Variants in KCNIP4 observed in about 807,000 individuals in gnomAD.
The protein encoded by KCNIP4 is Kv channel-interacting protein 4.
A neutral mutation model predicts 34.0 loss-of-function variants in KCNIP4; 12 were observed. That is an observed-to-expected ratio of 0.35 (90% confidence interval 0.23 to 0.57). The LOEUF (loss-of-function observed/expected upper bound fraction) is 0.57, where lower values mean the gene tolerates loss of function less well. Ranked by LOEUF, KCNIP4 falls within the 20% of genes least tolerant of loss-of-function variation. The pLI, the probability that KCNIP4 is intolerant of heterozygous loss-of-function variation, is 0.83. For missense variants in KCNIP4, 238 were observed against 311.7 expected (o/e 0.76, Z 1.78); for synonymous variants, 124 against 102.2 (o/e 1.21, Z -1.29).
At position 20,895,682 on chromosome 4, in the gene KCNIP4, C is replaced by T. The variant is rs752208150; in HGVS notation, c.62-12973G>A. Among the ~76,000 whole-genome samples the T allele has an allele frequency of 2.0e-5, 3 of 152,120 alleles. No individual in the cohort carries two copies. In the East Asian group the frequency reaches 5.8e-4, roughly 29 times the overall value. Reference sequence around the variant, plus strand: ...AGTATTTATTGGATATAAGGTAGACCCTGTGCCAGGCACCCGGGAAGAAAA... The same window carrying T: ...AGTATTTATTGGATATAAGGTAGACTCTGTGCCAGGCACCCGGGAAGAAAA... On this transcript the variant is annotated intron_variant, in intron 1 of 8. Transcript: ENST00000382152.
At chr4:21,657,781 T>G (rs1489874917) in intron 1 of KCNIP4, among the ~76,000 whole-genome samples, 1 of 152,202 alleles carries the variant, frequency 6.6e-6, no homozygotes, top group Non-Finnish European at 1.5e-5. Flanking sequence ...GACCATAATT[T>G]GATGTTCAAT....
intron 1 of KCNIP4, among the ~76,000 whole-genome samples, chr4:20,951,515 C>T (rs533080556): frequency 1.3e-5 from 2 of 152,214 alleles, no homozygotes; most frequent in East Asian, 3.9e-4. Flanking sequence ...AAATGAGAAC[C>T]AGCAGCTTCT....
intron 1 of KCNIP4, among the ~76,000 whole-genome samples, chr4:20,925,583 A>T (rs1040070292): frequency 2.0e-5 from 3 of 152,176 alleles, no homozygotes; most frequent in Non-Finnish European, 4.4e-5. Context: ...CTCTGTCTAT[A>T]GAGTAGCGAT....
At chr4:21,260,604 C>G (rs559337752) in intron 1 of KCNIP4, among the ~76,000 whole-genome samples, 1 of 152,114 alleles carries the variant, frequency 6.6e-6, no homozygotes, top group Non-Finnish European at 1.5e-5. Flanking sequence ...AATTACCTGG[C>G]TTTAAGACTA....
At chr4:21,521,185 C>T (rs1212113837) in intron 1 of KCNIP4, among the ~76,000 whole-genome samples, 3 of 152,120 alleles carry the variant, frequency 2.0e-5, no homozygotes, top group African/African-American at 7.2e-5. Flanking sequence ...AGTGAATATT[C>T]TAAGCAAGAA....
intron 1 of KCNIP4, among the ~76,000 whole-genome samples, chr4:21,476,352 T>C (rs1207267853): frequency 1.3e-5 from 2 of 152,166 alleles, no homozygotes; most frequent in South Asian, 2.1e-4. Context: ...TAACCTCCAA[T>C]GTGACTAAAT....
intron 1 of KCNIP4, among the ~76,000 whole-genome samples, chr4:21,935,151 A>C (rs888948251): frequency 6.6e-6 from 1 of 151,996 alleles, no homozygotes; most frequent in Non-Finnish European, 1.5e-5. Context: ...ACATTCAATC[A>C]GTTACAAAGA....
At chr4:20,922,334 A>C (rs1457573332) in intron 1 of KCNIP4, among the ~76,000 whole-genome samples, 1 of 152,208 alleles carries the variant, frequency 6.6e-6, no homozygotes, top group African/African-American at 2.4e-5. Context: ...TAGAACAAAA[A>C]GGTAGAGGAA....
intron 1 of KCNIP4, among the ~76,000 whole-genome samples, chr4:21,494,980 G>A (rs978333062): frequency 3.3e-5 from 5 of 152,048 alleles, no homozygotes; most frequent in African/African-American, 9.7e-5. Context: ...GTGAGCAGGT[G>A]AGAGAAAAAA....
intron 1 of KCNIP4, among the ~76,000 whole-genome samples, chr4:21,784,957 G>A (rs981524599): frequency 6.6e-6 from 1 of 152,198 alleles, no homozygotes; most frequent in Non-Finnish European, 1.5e-5. Context: ...AATAGCTGAT[G>A]TACAGCAGAA....
intron 1 of KCNIP4, among the ~76,000 whole-genome samples, chr4:21,139,254 T>C (rs560099763): frequency 6.6e-6 from 1 of 152,312 alleles, no homozygotes; most frequent in East Asian, 1.9e-4. Flanking sequence ...TTATTTGCTT[T>C]GTCCTCGGAA....
chr4:20,756,271 T>C lies in KCNIP4; in HGVS notation c.358+2550A>G, dbSNP rs28664206. Among the ~76,000 whole-genome samples the C allele has an allele frequency of 6.9e-3, 1,053 of 152,272 alleles. 12 individuals carry two copies. Among genetic ancestry groups the C allele is most frequent in the African/African-American group, 0.024 (980 of 41,556 alleles). On this transcript the variant is annotated intron_variant, in intron 4 of 8. Coordinates refer to ENST00000382152, the MANE Select transcript of KCNIP4 (RefSeq NM_025221.6). ...CCCCTATATTGAGTAGATGTCAAAG[T>C]TGAAAGGAAGTACTAGATGGTTCCC... is the stretch of plus-strand genomic sequence containing the variant.
At position 21,707,932 on chromosome 4, in the gene KCNIP4, TACACACACAC is replaced by T. The variant is rs3050896; in HGVS notation, c.61+240629_61+240638del. ...CTGACATTATCCTGAAACACACACA[TACACACACAC>T]ACACACACACACACACACACACACA... is the stretch of plus-strand genomic sequence containing the variant. On this transcript the variant is annotated intron_variant, in intron 1 of 8. Coordinates refer to ENST00000382152, the MANE Select transcript of KCNIP4 (RefSeq NM_025221.6). 4.1e-3 allele frequency among the ~76,000 whole-genome samples: 595 copies of T among 146,912 alleles called. 5 individuals are homozygous for T. Among genetic ancestry groups the T allele is most frequent in the East Asian group, 0.014 (65 of 4,720 alleles).
chr4:21,109,070 G>T (rs1748873856), intron 1 of KCNIP4, among the ~76,000 whole-genome samples: 1 of 152,176 alleles, frequency 6.6e-6, no homozygotes, highest in South Asian at 2.1e-4. Context: ...ACTTGAGGAG[G>T]CAGTCTGCCC....
At chr4:21,405,636 C>A (rs538812248) in intron 1 of KCNIP4, among the ~76,000 whole-genome samples, 1 of 152,286 alleles carries the variant, frequency 6.6e-6, no homozygotes, top group South Asian at 2.1e-4. Flanking sequence ...CTTTTAAACA[C>A]CCAGGATCAT....
intron 1 of KCNIP4, among the ~76,000 whole-genome samples, chr4:21,840,202 T>C (rs1177068309): frequency 6.6e-6 from 1 of 151,484 alleles, no homozygotes; most frequent in Non-Finnish European, 1.5e-5. Context: ...AATAAGATAC[T>C]AGATACAACT....
chr4:21,205,774 T>C (rs551691051), intron 1 of KCNIP4, among the ~76,000 whole-genome samples: 9 of 152,198 alleles, frequency 5.9e-5, no homozygotes, highest in Non-Finnish European at 7.3e-5. Flanking sequence ...CAGCTGGTGT[T>C]TGAAGCCAGG....
At chr4:20,796,363 C>T (rs904920990) in intron 3 of KCNIP4, among the ~76,000 whole-genome samples, 16 of 151,984 alleles carry the variant, frequency 1.1e-4, no homozygotes, top group East Asian at 1.9e-4. Flanking sequence ...GGCTGGAGTG[C>T]GCTGGTGTGA....
intron 1 of KCNIP4, among the ~76,000 whole-genome samples, chr4:21,688,617 G>A (rs917953355): frequency 1.3e-5 from 2 of 152,084 alleles, no homozygotes; most frequent in African/African-American, 4.8e-5. Flanking sequence ...AAAGAAAATA[G>A]GATCTGAACA....
Sources: allele counts gnomAD v4.1 joint callset (sites outside exome capture counted in the v4.1 genomes callset), GRCh38; gene constraint gnomAD v4.1.1; transcripts MANE v1.5; gene names NCBI Gene and HGNC (gene_info 2026-07-23, HGNC 2026-07-21).